IKZF2: variants seen among roughly 807,000 people sequenced by gnomAD.
The protein encoded by IKZF2 is zinc finger protein Helios.
A neutral mutation model predicts 49.2 loss-of-function variants in IKZF2; 15 were observed. The observed-to-expected ratio is 0.30, with a 90% confidence interval of 0.20 to 0.47. IKZF2 has a LOEUF of 0.47. IKZF2 is among the 20% of genes least tolerant of loss of function. The pLI is 1.00. For missense variants in IKZF2, 567 were observed against 664.6 expected (o/e 0.85, Z 1.61); for synonymous variants, 227 against 221.4 (o/e 1.03, Z -0.23).
chr2:213,126,239 C>T (rs899566222), intron 4 of IKZF2, among the ~76,000 whole-genome samples: 3 of 152,110 alleles, frequency 2.0e-5, no homozygotes, highest in African/African-American at 7.2e-5. Context: ...TCAGAACTTA[C>T]GTAATGGATG....
intron 7 of IKZF2, chr2:213,015,358 G>T (rs1296975730): frequency 6.6e-6 from 1 of 152,016 alleles, no homozygotes; most frequent in African/African-American, 2.4e-5. Context: ...AAGTTTCAAG[G>T]TGAGACTGAG....
intron 7 of IKZF2, among the ~76,000 whole-genome samples, chr2:213,019,960 T>C (rs568343918): frequency 2.0e-5 from 3 of 152,362 alleles, no homozygotes; most frequent in South Asian, 2.1e-4. Context: ...TATAATAATT[T>C]ATTTACATTT....
intron 4 of IKZF2, among the ~76,000 whole-genome samples, chr2:213,089,835 T>C (rs561969286): frequency 4.6e-5 from 7 of 152,202 alleles, no homozygotes; most frequent in African/African-American, 1.7e-4. Context: ...TTGCCTGAGA[T>C]TAAATGCTTA....
Position 213,009,126 on chromosome 2 carries a change from C to T in IKZF2, c.857-1042G>A, listed in dbSNP as rs1030309374. On this transcript the variant is annotated intron_variant, in intron 8 of 8. Coordinates refer to ENST00000434687, the MANE Select transcript of IKZF2 (RefSeq NM_001387220.1). ...ACATGTGTATGTGATAGTGCTGGTA[C>T]GTACACCCATTGCTAGCTTCCCATA... 5.3e-5 allele frequency among the ~76,000 whole-genome samples: 8 copies of T among 151,984 alleles called. No homozygotes were observed. The East Asian group carries it at 5.8e-4, about 11-fold the overall frequency.
intron 7 of IKZF2, among the ~76,000 whole-genome samples, chr2:213,016,394 CA>C (rs1696605537): frequency 6.6e-6 from 1 of 152,080 alleles, no homozygotes; most frequent in South Asian, 2.1e-4. Flanking sequence ...GTATTTTGAG[CA>C]TTGACTTTTT....
intron 4 of IKZF2, among the ~76,000 whole-genome samples, chr2:213,102,898 G>A (rs541213550): frequency 6.6e-6 from 1 of 152,152 alleles, no homozygotes; most frequent in African/African-American, 2.4e-5. Flanking sequence ...GCCTTTCATT[G>A]TAAAAAGGTT....
At chr2:213,099,265 A>G (rs1392039589) in intron 4 of IKZF2, among the ~76,000 whole-genome samples, 1 of 152,136 alleles carries the variant, frequency 6.6e-6, no homozygotes, top group East Asian at 1.9e-4. Context: ...AATATTGTAA[A>G]TATTACTGTA....
intron 4 of IKZF2, among the ~76,000 whole-genome samples, chr2:213,137,224 C>T (rs4672676): frequency 0.44 from 66,692 of 151,876 alleles, 18,096 homozygotes; most frequent in East Asian, 0.91. Context: ...GCTTCGAGAA[C>T]TTAAAAACAG....
intron 4 of IKZF2, among the ~76,000 whole-genome samples, chr2:213,145,946 T>C (rs1320358533): frequency 6.6e-6 from 1 of 152,108 alleles, no homozygotes; most frequent in Admixed American, 6.6e-5. Flanking sequence ...GCCTACACTC[T>C]GCACTGTTTA....
intron 6 of IKZF2, among the ~76,000 whole-genome samples, chr2:213,041,666 C>T (rs575051726): frequency 2.6e-5 from 4 of 152,166 alleles, no homozygotes; most frequent in Admixed American, 1.3e-4. Context: ...TATTTGTCTC[C>T]CCTTTCCCTC....
chr2:213,136,697 G>A (rs1413785000), intron 4 of IKZF2, among the ~76,000 whole-genome samples: 1 of 152,002 alleles, frequency 6.6e-6, no homozygotes, highest in Non-Finnish European at 1.5e-5. Context: ...AATAATATAT[G>A]AATTTATTTT....
intron 6 of IKZF2, among the ~76,000 whole-genome samples, chr2:213,033,518 G>A (rs1698695058): frequency 6.6e-6 from 1 of 152,212 alleles, no homozygotes; most frequent in South Asian, 2.1e-4. Flanking sequence ...AGCGTGGGCT[G>A]AAGAATATAT....
At chr2:213,028,589 T>C (rs1049802020) in intron 6 of IKZF2, among the ~76,000 whole-genome samples, 1 of 152,182 alleles carries the variant, frequency 6.6e-6, no homozygotes, top group Non-Finnish European at 1.5e-5. Context: ...ACATATTACT[T>C]AATTTAACTC....
At position 213,000,593 on chromosome 2, in the gene IKZF2, A is replaced by C. The variant is rs1694812775; in HGVS notation, c.*6767T>G. On this transcript the variant is annotated 3_prime_UTR_variant, in exon 9 of 9. Transcript: ENST00000434687. ...TTACTACAGGGACACAGGTATAAAA[A>C]AAGAAAATTAGCACACTACATATAA... 6.6e-6 allele frequency: 1 copy of C among 151,930 alleles called. No homozygotes were observed. Among genetic ancestry groups the C allele is most frequent in the Non-Finnish European group, 1.5e-5 (1 of 67,656 alleles). 9.4% of individuals were successfully genotyped at this position (151,930 alleles called of 1,614,324 possible).
At chr2:213,021,694 G>C (rs1035117640) in intron 7 of IKZF2, 1 of 480,764 alleles carries the variant, frequency 2.1e-6, no homozygotes, top group Non-Finnish European at 4.0e-6. Context: ...GCAGCCTACA[G>C]ACTAATGTGG....
chr2:213,008,162 A>T, intron 8 of IKZF2, 78 bp from the exon 9 acceptor site: 11 of 1,440,878 alleles, frequency 7.6e-6, no homozygotes, highest in Non-Finnish European at 1.0e-5. Context: ...AAAAATATGA[A>T]AGGGTACGAA....
chr2:213,106,090 C>T (rs1228050569), intron 4 of IKZF2, among the ~76,000 whole-genome samples: 1 of 152,010 alleles, frequency 6.6e-6, no homozygotes, highest in Non-Finnish European at 1.5e-5. Flanking sequence ...TATAAATTTA[C>T]CTAAACTGTC....
upstream of IKZF2, chr2:213,152,407 A>T (rs1334080692): frequency 6.6e-6 from 1 of 152,266 alleles, no homozygotes; most frequent in Non-Finnish European, 1.5e-5. Flanking sequence ...TGGGGAATAG[A>T]CTGAGAAAGA....
At chr2:213,049,314 G>A (rs1450051577) in intron 6 of IKZF2, among the ~76,000 whole-genome samples, 2 of 151,862 alleles carry the variant, frequency 1.3e-5, no homozygotes, top group African/African-American at 4.8e-5. Flanking sequence ...CCTGAGCACT[G>A]TATCAGTCAA....
Sources: allele counts gnomAD v4.1 joint callset (sites outside exome capture counted in the v4.1 genomes callset), GRCh38; gene constraint gnomAD v4.1.1; transcripts MANE v1.5; gene names NCBI Gene and HGNC (gene_info 2026-07-23, HGNC 2026-07-21).